Variants in XKR9 observed in about 807,000 individuals in gnomAD.
XKR9 encodes XK-related protein 9.
A neutral mutation model predicts 32.0 loss-of-function variants in XKR9; 32 were observed. The ratio of observed to expected loss-of-function variants is 1.00; its 90% CI spans 0.76 to 1.34. The LOEUF is 1.34. XKR9 is among the 40% of genes most tolerant of loss of function. XKR9 has a pLI of 0.00. For missense variants in XKR9, 546 were observed against 429.7 expected, an observed-to-expected ratio of 1.27 and a Z score of -2.39; for synonymous variants, 168 against 143.4, an observed-to-expected ratio of 1.17 and a Z score of -1.22.
intron 2 of XKR9, among the ~76,000 whole-genome samples, chr8:70,760,708 TA>T (rs574041119): frequency 3.2e-4 from 49 of 152,292 alleles, no homozygotes; most frequent in African/African-American, 1.1e-3. Context: ...CCTGAGCTTT[TA>T]AAAAAATTTA....
chr8:70,899,602 A>G, the XKR9 span, among the ~76,000 whole-genome samples: 3 of 152,018 alleles, frequency 2.0e-5, no homozygotes, highest in Non-Finnish European at 2.9e-5. Flanking sequence ...TTTGGCTCCT[A>G]TTGATTTTTC....
intron 3 of XKR9, among the ~76,000 whole-genome samples, chr8:70,696,568 C>T (rs529841107): frequency 6.7e-6 from 1 of 149,112 alleles, no homozygotes; most frequent in African/African-American, 2.5e-5. Flanking sequence ...CAGTACCATG[C>T]TGTTTTGGTT....
At chr8:71,010,360 T>C in the XKR9 span, among the ~76,000 whole-genome samples, 1 of 152,314 alleles carries the variant, frequency 6.6e-6, no homozygotes, top group East Asian at 1.9e-4. Flanking sequence ...CATATGTGTT[T>C]ATGTAACACA....
the XKR9 span, among the ~76,000 whole-genome samples, chr8:70,883,639 T>G: frequency 6.6e-6 from 1 of 152,190 alleles, no homozygotes; most frequent in South Asian, 2.1e-4. Context: ...TTATACATTA[T>G]GTAGCCTTTT....
At chr8:71,047,138 G>A in the XKR9 span, among the ~76,000 whole-genome samples, 43 of 152,318 alleles carry the variant, frequency 2.8e-4, no homozygotes, top group South Asian at 8.7e-3. Context: ...ATTATGCGTG[G>A]TTTGTCTCTT....
chr8:70,737,172 G>A (rs1295968417), downstream of XKR9, among the ~76,000 whole-genome samples: 5 of 146,188 alleles, frequency 3.4e-5, no homozygotes, highest in East Asian at 9.7e-4. Flanking sequence ...TCTCCTTGAA[G>A]AGGTCCTTCA....
At chr8:70,732,921 C>G (rs35062079) in intron 4 of XKR9, among the ~76,000 whole-genome samples, 50,234 of 152,022 alleles carry the variant, frequency 0.33, 9,433 homozygotes, top group Non-Finnish European at 0.43. Context: ...AGTTTGAGAC[C>G]AGCCTCGCCA....
At chr8:70,764,956 T>C (rs1807355550) in intron 2 of XKR9, among the ~76,000 whole-genome samples, 1 of 152,218 alleles carries the variant, frequency 6.6e-6, no homozygotes, top group Admixed American at 6.5e-5. Flanking sequence ...TATTCCATGG[T>C]GTATAAATGT....
At chr8:70,723,834 T>G (rs1806363497) in intron 4 of XKR9, among the ~76,000 whole-genome samples, 1 of 151,270 alleles carries the variant, frequency 6.6e-6, no homozygotes, top group Non-Finnish European at 1.5e-5. Context: ...TTATCAGAGC[T>G]TAAACAATGT....
At chr8:70,951,443 G>C in the XKR9 span, among the ~76,000 whole-genome samples, 1 of 152,256 alleles carries the variant, frequency 6.6e-6, no homozygotes, top group Non-Finnish European at 1.5e-5. Context: ...CCCAGGCTGG[G>C]AGGGCCTGGC....
intron 2 of XKR9, among the ~76,000 whole-genome samples, chr8:70,743,084 C>T (rs1807011034): frequency 6.6e-6 from 1 of 151,970 alleles, no homozygotes. Flanking sequence ...ATTCCTGAGG[C>T]TCTGTTCATT....
At chr8:70,753,850 T>C (rs1419146127) in intron 2 of XKR9, among the ~76,000 whole-genome samples, 3 of 148,592 alleles carry the variant, frequency 2.0e-5, no homozygotes, top group Non-Finnish European at 4.5e-5. Flanking sequence ...CTTTGAAAAC[T>C]GGCACAAGAC....
the XKR9 span, among the ~76,000 whole-genome samples, chr8:70,902,758 G>C: frequency 1.9e-4 from 29 of 152,338 alleles, no homozygotes; most frequent in Non-Finnish European, 4.1e-4. Context: ...GATATTGGCT[G>C]TGGGTTTGTC....
At chr8:70,786,588 C>G (rs1807691733) in intron 2 of XKR9, among the ~76,000 whole-genome samples, 1 of 152,048 alleles carries the variant, frequency 6.6e-6, no homozygotes, top group Non-Finnish European at 1.5e-5. Context: ...ATAAGTATAG[C>G]TAACACTACT....
At chr8:70,873,612 G>A in the XKR9 span, among the ~76,000 whole-genome samples, 1 of 152,288 alleles carries the variant, frequency 6.6e-6, no homozygotes, top group East Asian at 1.9e-4. Context: ...TGACTGAATT[G>A]CTGCAATCTC....
At chr8:71,013,650 G>A in the XKR9 span, among the ~76,000 whole-genome samples, 1 of 152,312 alleles carries the variant, frequency 6.6e-6, no homozygotes, top group South Asian at 2.1e-4. Context: ...CATGTGTGTT[G>A]CAGAATGTCA....
At chr8:70,699,111 A>G (rs1164103547) in intron 3 of XKR9, among the ~76,000 whole-genome samples, 1 of 152,182 alleles carries the variant, frequency 6.6e-6, no homozygotes, top group Non-Finnish European at 1.5e-5. Context: ...TGAATACAAC[A>G]CACTGATGGG....
At chr8:71,000,770 A>G in the XKR9 span, among the ~76,000 whole-genome samples, 2 of 152,176 alleles carry the variant, frequency 1.3e-5, no homozygotes, top group Non-Finnish European at 2.9e-5. Context: ...TCATACAGTC[A>G]GCTGTACTCA....
At chr8:70,862,242 T>C in the XKR9 span, among the ~76,000 whole-genome samples, 1 of 152,146 alleles carries the variant, frequency 6.6e-6, no homozygotes, top group African/African-American at 2.4e-5. Context: ...TTTTCTCTTT[T>C]ATAAAGCATA....
Sources: allele counts gnomAD v4.1 joint callset (sites outside exome capture counted in the v4.1 genomes callset), GRCh38; gene constraint gnomAD v4.1.1; transcripts MANE v1.5; gene names NCBI Gene and HGNC (gene_info 2026-07-23, HGNC 2026-07-21).